Variants in GABRG3 observed in about 807,000 individuals in gnomAD.
GABRG3 encodes the protein gamma-aminobutyric acid receptor subunit gamma-3.
In GABRG3, 25 loss-of-function variants were observed where a neutral mutation model predicts 48.8. The ratio of observed to expected loss-of-function variants is 0.51; its 90% confidence interval spans 0.37 to 0.72. The LOEUF is 0.72. GABRG3 is among the 30% of genes least tolerant of loss of function. The pLI is 0.00. For missense variants in GABRG3, 394 were observed against 577.9 expected, an observed-to-expected ratio of 0.68 and a Z score of 3.26; for synonymous variants, 227 against 217.6, an observed-to-expected ratio of 1.04 and a Z score of -0.38.
At position 27,231,829 on chromosome 15, in the gene GABRG3, C is replaced by A. The variant is rs1401090272; in HGVS notation, c.271-94980C>A. On this transcript the variant is annotated intron_variant, in intron 3 of 9. Coordinates refer to ENST00000615808, the MANE Select transcript of GABRG3 (RefSeq NM_033223.5). Reference sequence around the variant, plus strand: ...CAGTTATATGAAGGAAAGAATGGTCCAATTATCTAAACGTTGTGAAACATA... The same window carrying A: ...CAGTTATATGAAGGAAAGAATGGTCAAATTATCTAAACGTTGTGAAACATA... 3.9e-5 allele frequency among the ~76,000 whole-genome samples: 6 copies of A among 152,160 alleles called. No homozygotes were observed. In the East Asian group the frequency reaches 9.7e-4, roughly 24 times the overall value.
chr15:27,025,981 T>G (rs1400712030), intron 2 of GABRG3, among the ~76,000 whole-genome samples: 2 of 152,194 alleles, frequency 1.3e-5, no homozygotes, highest in Non-Finnish European at 2.9e-5. Flanking sequence ...TGTCTCATTA[T>G]CAGGCTTGCT....
intron 3 of GABRG3, among the ~76,000 whole-genome samples, chr15:27,114,450 GAGAT>G (rs1403408443): frequency 1.3e-5 from 2 of 152,170 alleles, no homozygotes; most frequent in Non-Finnish European, 2.9e-5. Context: ...CCCATGGTTG[GAGAT>G]TCCAGTTCAC....
rs1052238471 is a variant in GABRG3, at chr15:27,458,210, G to A, written c.575-22440G>A. ...GTGATAAGTGCGGCCACCAAAAGGC[G>A]GCTTGTAGGAGAAGTGTCTCTCCTA... On this transcript the variant is annotated intron_variant, in intron 5 of 9. Coordinates refer to ENST00000615808, the MANE Select transcript of GABRG3 (RefSeq NM_033223.5). Among the ~76,000 whole-genome samples the A allele has an allele frequency of 5.3e-5, 8 of 152,268 alleles. No individual in the cohort carries two copies. The South Asian group carries it at 1.4e-3, about 28-fold the overall frequency.
At chr15:27,444,956 C>T (rs1888899725) in intron 5 of GABRG3, among the ~76,000 whole-genome samples, 1 of 152,114 alleles carries the variant, frequency 6.6e-6, no homozygotes, top group South Asian at 2.1e-4. Flanking sequence ...ACTGCAACCT[C>T]CACCTCCCAG....
chr15:27,037,457 G>C (rs986683760), intron 3 of GABRG3, among the ~76,000 whole-genome samples: 2 of 152,192 alleles, frequency 1.3e-5, no homozygotes, highest in African/African-American at 4.8e-5. Flanking sequence ...TAGACTAAGA[G>C]TTTGTAAGGA....
intron 7 of GABRG3, among the ~76,000 whole-genome samples, chr15:27,525,225 T>TA (rs1175635242): frequency 6.6e-6 from 1 of 151,984 alleles, no homozygotes; most frequent in African/African-American, 2.4e-5. Flanking sequence ...TTAGTTTGTG[T>TA]TTAAATTAGG....
intron 3 of GABRG3, among the ~76,000 whole-genome samples, chr15:27,265,342 C>T (rs1240437189): frequency 1.3e-5 from 2 of 152,210 alleles, no homozygotes; most frequent in Admixed American, 6.5e-5. Context: ...CTTCTACTCT[C>T]CTTTGTTCTA....
At chr15:27,092,450 G>A (rs538722328) in intron 3 of GABRG3, among the ~76,000 whole-genome samples, 63 of 152,188 alleles carry the variant, frequency 4.1e-4, no homozygotes, top group African/African-American at 1.5e-3. Context: ...TCACTATCTG[G>A]TCCTGCCTGC....
intron 5 of GABRG3, among the ~76,000 whole-genome samples, chr15:27,360,780 A>G (rs893769053): frequency 6.6e-6 from 1 of 152,196 alleles, no homozygotes; most frequent in Non-Finnish European, 1.5e-5. Flanking sequence ...GGGTTCCCAC[A>G]TTAGTGTTAA....
intron 5 of GABRG3, among the ~76,000 whole-genome samples, chr15:27,449,951 A>G (rs1889059789): frequency 6.6e-6 from 1 of 152,236 alleles, no homozygotes; most frequent in South Asian, 2.1e-4. Flanking sequence ...CTATAGGTGT[A>G]CATATGTCAC....
At chr15:27,113,836 A>G (rs1897596061) in intron 3 of GABRG3, among the ~76,000 whole-genome samples, 1 of 152,214 alleles carries the variant, frequency 6.6e-6, no homozygotes, top group African/African-American at 2.4e-5. Flanking sequence ...GATTGCCTGG[A>G]TGCCCTAAGG....
At chr15:27,466,412 C>T (rs116622887) in intron 5 of GABRG3, among the ~76,000 whole-genome samples, 280 of 152,284 alleles carry the variant, frequency 1.8e-3, no homozygotes, top group African/African-American at 6.4e-3. Context: ...TATTATTATA[C>T]TTGGACACAT....
chr15:27,392,673 C>T (rs929454170), intron 5 of GABRG3, among the ~76,000 whole-genome samples: 6 of 152,178 alleles, frequency 3.9e-5, no homozygotes, highest in African/African-American at 1.4e-4. Context: ...TTCTATACCT[C>T]CTGAAGGGAA....
chr15:27,212,361 T>G (rs1047319738), intron 3 of GABRG3, among the ~76,000 whole-genome samples: 1 of 152,238 alleles, frequency 6.6e-6, no homozygotes, highest in African/African-American at 2.4e-5. Context: ...GTTCTTCACC[T>G]CAGTTTCAGT....
In GABRG3 at chr15:27,319,061, C is replaced by G. The variant is rs555294716; in HGVS notation, c.271-7748C>G. Among the ~76,000 whole-genome samples, 3 of 152,156 alleles carry G rather than the reference C, an allele frequency of 2.0e-5. No individual in the cohort carries two copies. Among genetic ancestry groups the G allele is most frequent in the African/African-American group, 7.2e-5 (3 of 41,506 alleles). On this transcript the variant is annotated intron_variant, in intron 3 of 9. Coordinates refer to ENST00000615808, the MANE Select transcript of GABRG3 (RefSeq NM_033223.5). The surrounding 1 kb of genome is among the most constrained non-coding windows in gnomAD (Gnocchi z 4.4). ...AGAGGGTAGATCATAAATGTTCTCA[C>G]CACCATAAAAAAATAAAAGGCAACT...
At chr15:27,100,314 G>A (rs207475335) in intron 3 of GABRG3, among the ~76,000 whole-genome samples, 175 of 151,602 alleles carry the variant, frequency 1.2e-3, no homozygotes, top group Middle Eastern at 3.4e-3. Context: ...TTCTTCTACC[G>A]ATTAAGTAAT....
rs201866335 is a variant in GABRG3, at chr15:27,336,190, AAAAG to A, written c.574+7320_574+7323del. ...GGAAACAAGAGCAAGAGTCAGTATGAAAAGAAAGAAAGAAAGAAAGAGAGAGAGA... is the reference window on the plus strand; with the variant it reads ...GGAAACAAGAGCAAGAGTCAGTATGAAAAGAAAGAAAGAAAGAGAGAGAGA... On this transcript the variant is annotated intron_variant, in intron 5 of 9. Coordinates refer to ENST00000615808, the MANE Select transcript of GABRG3 (RefSeq NM_033223.5). 1.7e-3 allele frequency among the ~76,000 whole-genome samples: 255 copies of A among 146,264 alleles called. 2 individuals are homozygous for A. Among genetic ancestry groups the A allele is most frequent in the South Asian group, 0.014 (62 of 4,568 alleles).
intron 3 of GABRG3, among the ~76,000 whole-genome samples, chr15:27,265,035 G>T (rs894831760): frequency 6.6e-6 from 1 of 151,852 alleles, no homozygotes; most frequent in African/African-American, 2.4e-5. Context: ...CCAAAACACC[G>T]TTCCTTTACT....
chr15:27,125,689 A>G (rs1473869478), intron 3 of GABRG3, among the ~76,000 whole-genome samples: 2 of 152,270 alleles, frequency 1.3e-5, no homozygotes, highest in Non-Finnish European at 2.9e-5. Flanking sequence ...CGATATTAGC[A>G]TTAGGTGTTA....
Sources: allele counts gnomAD v4.1 joint callset (sites outside exome capture counted in the v4.1 genomes callset), GRCh38; gene constraint gnomAD v4.1.1; non-coding constraint Gnocchi (gnomAD v3.1); transcripts MANE v1.5; gene names NCBI Gene and HGNC (gene_info 2026-07-23, HGNC 2026-07-21).